Variants in LDLRAD3 observed in about 807,000 individuals in gnomAD.
The protein encoded by LDLRAD3 is low density lipoprotein receptor class A domain containing 3.
A neutral mutation model predicts 29.4 loss-of-function variants in LDLRAD3; 20 were observed. That is an observed-to-expected ratio of 0.68 (90% confidence interval 0.48 to 0.99). LDLRAD3 has a LOEUF of 0.99. Ranked by LOEUF, LDLRAD3 falls within the 50% of genes least tolerant of loss-of-function variation. The pLI is 0.00. For synonymous variants in LDLRAD3, 157 were observed against 192.7 expected, an observed-to-expected ratio of 0.81 and a Z score of 1.53; for missense variants, 420 against 454.3, an observed-to-expected ratio of 0.92 and a Z score of 0.69.
At chr11:36,003,852 C>T (rs577925711) in intron 1 of LDLRAD3, among the ~76,000 whole-genome samples, 62 of 152,002 alleles carry the variant, frequency 4.1e-4, no homozygotes, top group South Asian at 4.2e-4. Context: ...TGGTGGAAGG[C>T]GAAGGGGAAG....
chr11:36,151,912 C>A (rs1396381541), intron 4 of LDLRAD3, among the ~76,000 whole-genome samples: 1 of 152,172 alleles, frequency 6.6e-6, no homozygotes, highest in Non-Finnish European at 1.5e-5. Context: ...TACCAGAGAG[C>A]TTCATAGACT....
At chr11:36,139,512 C>T (rs1854049410) in intron 4 of LDLRAD3, among the ~76,000 whole-genome samples, 1 of 152,138 alleles carries the variant, frequency 6.6e-6, no homozygotes, top group Non-Finnish European at 1.5e-5. Flanking sequence ...CTGTTGGTTG[C>T]CATGAATTGA....
chr11:36,203,324 G>A (rs1052921830), intron 4 of LDLRAD3, among the ~76,000 whole-genome samples: 9 of 152,146 alleles, frequency 5.9e-5, no homozygotes, highest in African/African-American at 1.2e-4. Flanking sequence ...CTCATGAGAT[G>A]CATGCTCTTA....
At chr11:36,024,636 T>A (rs1386329030) in intron 1 of LDLRAD3, among the ~76,000 whole-genome samples, 1 of 152,226 alleles carries the variant, frequency 6.6e-6, no homozygotes, top group Non-Finnish European at 1.5e-5. Context: ...CCTTCCCCCA[T>A]CCTGCACCCT....
chr11:36,044,813 T>C (rs1347556860), intron 2 of LDLRAD3, among the ~76,000 whole-genome samples: 1 of 152,266 alleles, frequency 6.6e-6, no homozygotes, highest in Non-Finnish European at 1.5e-5. Flanking sequence ...GATGGGGACC[T>C]ATGTCTTAAT....
chr11:35,945,175 A>G (rs1042937216), intron 1 of LDLRAD3, among the ~76,000 whole-genome samples: 3 of 152,180 alleles, frequency 2.0e-5, no homozygotes, highest in Admixed American at 1.3e-4. Context: ...CCACATGTCC[A>G]ATAGCTGCCC....
intron 4 of LDLRAD3, among the ~76,000 whole-genome samples, chr11:36,189,188 A>G (rs965982454): frequency 2.0e-5 from 3 of 152,146 alleles, no homozygotes; most frequent in Non-Finnish European, 4.4e-5. Flanking sequence ...TTATCACCTC[A>G]AAAAGAAAAC....
chr11:36,159,625 A>AAAAAAAAT (rs756902228), intron 4 of LDLRAD3, among the ~76,000 whole-genome samples: 1 of 132,942 alleles, frequency 7.5e-6, no homozygotes. Flanking sequence ...AAAAAAAAAA[A>AAAAAAAAT]AGCCAGATGT....
intron 1 of LDLRAD3, among the ~76,000 whole-genome samples, chr11:36,005,073 C>T (rs572803858): frequency 4.6e-4 from 70 of 152,202 alleles, no homozygotes; most frequent in Non-Finnish European, 9.1e-4. Flanking sequence ...GTTGTCTTGG[C>T]TATTGACATT....
rs564778338 is a variant in LDLRAD3, at chr11:36,034,369, G to A, written c.47-1734G>A. ...AAGGGTGGCTGCTTTGGCTGGAGTC[G>A]CAACTGTGGCAATGGAGAGTCGGGG... On this transcript the variant is annotated intron_variant, in intron 1 of 5. Transcript: ENST00000315571. 1.4e-3 allele frequency among the ~76,000 whole-genome samples: 217 copies of A among 152,206 alleles called. 3 individuals are homozygous for A. Among genetic ancestry groups the A allele is most frequent in the African/African-American group, 4.8e-3 (201 of 41,514 alleles).
chr11:35,969,289 A>G (rs1851382614), intron 1 of LDLRAD3, among the ~76,000 whole-genome samples: 1 of 152,186 alleles, frequency 6.6e-6, no homozygotes, highest in Non-Finnish European at 1.5e-5. Flanking sequence ...GCCCAAGAAC[A>G]GATTTCAGAT....
chr11:36,157,899 T>G (rs1330472070), intron 4 of LDLRAD3, among the ~76,000 whole-genome samples: 1 of 152,188 alleles, frequency 6.6e-6, no homozygotes, highest in Non-Finnish European at 1.5e-5. Context: ...CAGAAGGCAC[T>G]GCTACAAGGA....
chr11:36,132,473 AT>A (rs1312457975), intron 4 of LDLRAD3, among the ~76,000 whole-genome samples: 2 of 152,198 alleles, frequency 1.3e-5, no homozygotes, highest in Non-Finnish European at 2.9e-5. Flanking sequence ...TATATTTAAA[AT>A]TTGTTAAATC....
intron 2 of LDLRAD3, among the ~76,000 whole-genome samples, chr11:36,039,235 C>T (rs1397785041): frequency 6.6e-6 from 1 of 152,154 alleles, no homozygotes; most frequent in Non-Finnish European, 1.5e-5. Context: ...TCCCAAAGTG[C>T]TGGGATTACA....
chr11:36,100,243 A>G (rs1454482873), intron 4 of LDLRAD3, among the ~76,000 whole-genome samples: 1 of 152,168 alleles, frequency 6.6e-6, no homozygotes, highest in Non-Finnish European at 1.5e-5. Flanking sequence ...TAATCCTGCC[A>G]TTTGCCTAGA....
chr11:35,957,084 A>G (rs904121641), intron 1 of LDLRAD3, among the ~76,000 whole-genome samples: 40 of 152,216 alleles, frequency 2.6e-4, no homozygotes, highest in African/African-American at 9.6e-4. Flanking sequence ...ACTAAATGTT[A>G]TTGATTAGTA....
intron 1 of LDLRAD3, among the ~76,000 whole-genome samples, chr11:35,991,513 G>A (rs1353198086): frequency 6.6e-6 from 1 of 152,086 alleles, no homozygotes; most frequent in African/African-American, 2.4e-5. Context: ...GCTTTGTGAG[G>A]GCCATAAATT....
intron 2 of LDLRAD3, 36 bp downstream of exon 2, chr11:36,036,285 A>G (rs1442507062): frequency 2.5e-6 from 4 of 1,613,168 alleles, no homozygotes; most frequent in Non-Finnish European, 3.4e-6. Flanking sequence ...GTGGGGTGGC[A>G]GCCATCCTGG....
intron 1 of LDLRAD3, among the ~76,000 whole-genome samples, chr11:35,969,778 T>C (rs1489915365): frequency 6.6e-6 from 1 of 152,328 alleles, no homozygotes; most frequent in East Asian, 1.9e-4. Flanking sequence ...GGCCCCTTAT[T>C]GGCAGAACCA....
Sources: allele counts gnomAD v4.1 joint callset (sites outside exome capture counted in the v4.1 genomes callset), GRCh38; gene constraint gnomAD v4.1.1; transcripts MANE v1.5; gene names NCBI Gene and HGNC (gene_info 2026-07-23, HGNC 2026-07-21).